The following MMP11 variants were observed in gnomAD, a reference collection of about 807,000 sequenced individuals.
MMP11 encodes the protein stromelysin-3.
A neutral mutation model predicts 49.5 loss-of-function variants in MMP11; 26 were observed. The observed-to-expected ratio is 0.52, with a 90% confidence interval of 0.38 to 0.73. MMP11 has a LOEUF of 0.73. MMP11 is among the 30% of genes least tolerant of loss of function. The pLI is 0.00. For missense variants in MMP11, 624 were observed against 671.2 expected, an observed-to-expected ratio of 0.93 and a Z score of 0.78; for synonymous variants, 265 against 282.3, an observed-to-expected ratio of 0.94 and a Z score of 0.62.
intron 7 of MMP11, 30 bp from the exon 8 acceptor site, chr22:23,783,381 C>T (rs553323525): frequency 3.0e-5 from 48 of 1,611,450 alleles, no homozygotes; most frequent in East Asian, 1.1e-4. Context: ...AGTGTCCGCT[C>T]GCCCAGGCTT....
Position 23,772,866 on chromosome 22 carries a change from G to A in MMP11, c.-5G>A, listed in dbSNP as rs1927277827. On this transcript the variant is annotated 5_prime_UTR_variant, in exon 1 of 8. Coordinates refer to ENST00000215743, the MANE Select transcript of MMP11 (RefSeq NM_005940.5). The stretch of plus-strand genomic sequence containing the variant: ...GGCCCAGCAAGCCCAGCAGCCCCGG[G>A]GCGGATGGCTCCGGCCGCCTGGCTC... 1 of 1,154,592 alleles carries A rather than the reference G, an allele frequency of 8.7e-7. No homozygotes were observed. Among genetic ancestry groups the A allele is most frequent in the East Asian group, 4.2e-5 (1 of 24,040 alleles). The allele number at this position is 1,154,592 out of a possible 1,614,324, so 71.5% of individuals were successfully genotyped here. A position where few individuals can be genotyped will look rare whatever the true frequency, so the allele number is the denominator to read the frequency against.
Position 23,779,406 on chromosome 22 carries a change from C to G in MMP11, c.328C>G (p.Leu110Val). 6.2e-7 allele frequency: 1 copy of G among 1,611,288 alleles called. No homozygotes were observed. Among genetic ancestry groups the G allele is most frequent in the Non-Finnish European group, 8.5e-7 (1 of 1,179,160 alleles). The change falls in exon 2 of 8, where the codon CTC becomes GTC. Residue 110 changes from leucine (L) to valine (V), a missense_variant. Coordinates refer to ENST00000215743, the MANE Select transcript of MMP11 (RefSeq NM_005940.5). The part of the protein sequence containing the change: ...LSGGRWEKTD[L>V]TYRILRFPWQ... ...TGGCGGGCGCTGGGAGAAGACGGACCTCACCTACAGGTAGGGGCCTGGGAG... is the reference window on the plus strand; with the variant it reads ...TGGCGGGCGCTGGGAGAAGACGGACGTCACCTACAGGTAGGGGCCTGGGAG...
At chr22:23,778,406 G>A (rs1157426550) in intron 1 of MMP11, among the ~76,000 whole-genome samples, 1 of 152,200 alleles carries the variant, frequency 6.6e-6, no homozygotes, top group African/African-American at 2.4e-5. Flanking sequence ...CTGGGCACCT[G>A]GTAATTAACT....
At chr22:23,782,584 C>A in intron 7 of MMP11, 101 bp downstream of exon 7, 1 of 1,396,930 alleles carries the variant, frequency 7.2e-7, no homozygotes, top group Non-Finnish European at 9.6e-7. Flanking sequence ...GGAAGTCTGG[C>A]TCTTCATCAC....
In MMP11 at chr22:23,780,381, T is replaced by C; in HGVS notation, c.361T>C (p.Leu121=). The C allele has an allele frequency of 6.2e-7, 1 of 1,613,322 alleles. No individual in the cohort carries two copies. The highest frequency in any genetic ancestry group is 8.5e-7 in the Non-Finnish European group (1 of 1,180,018). Residue 121 remains leucine (L), a synonymous_variant, in exon 3 of 8, where the codon TTG becomes CTG. Transcript: ENST00000215743. The surrounding 1 kb of genome is among the most constrained non-coding windows in gnomAD (Gnocchi z 4.6). The stretch of plus-strand genomic sequence containing the variant: ...CAGGATCCTTCGGTTCCCATGGCAG[T>C]TGGTGCAGGAGCAGGTGCGGCAGAC... ...TYRILRFPWQ[L]VQEQVRQTMA... is the part of the protein sequence containing the mutation.
intron 1 of MMP11, among the ~76,000 whole-genome samples, chr22:23,778,490 G>T (rs1278512523): frequency 6.6e-6 from 1 of 152,172 alleles, no homozygotes; most frequent in Admixed American, 6.5e-5. Context: ...GCCCTGGTGG[G>T]GTGTGACCAA....
chr22:23,782,638 C>A, intron 7 of MMP11, 155 bp downstream of exon 7: 1 of 913,112 alleles, frequency 1.1e-6, no homozygotes, highest in Non-Finnish European at 1.6e-6. Flanking sequence ...CGGTGGCCGG[C>A]TAGTGCTACA....
intron 6 of MMP11, chr22:23,781,908 G>A (rs751034455): frequency 1.5e-6 from 1 of 655,716 alleles, no homozygotes; most frequent in African/African-American, 1.8e-5. Flanking sequence ...AGTCCAGCCT[G>A]CAGGGGCCCA....
rs1927634072 is a variant in MMP11 at position 23,781,532 on chromosome 22, T to C, written c.1075+123T>C. On this transcript the variant is annotated intron_variant, in intron 6 of 7. Transcript: ENST00000215743. ...GGATAGGGAGAGCTGCCCCAAAGCC[T>C]GGGGGCCGAGGGAGAGAGAGTGTGG... 31 of 946,218 alleles carry C rather than the reference T, an allele frequency of 3.3e-5. 1 individual carries two copies. In the South Asian group the frequency reaches 5.0e-4, roughly 15 times the overall value. The allele number at this position is 946,218 out of a possible 1,614,324, so 58.6% of individuals were successfully genotyped here.
intron 1 of MMP11, among the ~76,000 whole-genome samples, chr22:23,776,992 A>G (rs1416051817): frequency 1.3e-5 from 2 of 151,144 alleles, no homozygotes; most frequent in Non-Finnish European, 3.0e-5. Context: ...TATTTTTAGT[A>G]GAGACGGGGT....
rs11545274 is a variant in MMP11 at position 23,783,597 on chromosome 22, A to G, written c.*53A>G. 6.2e-7 allele frequency: 1 copy of G among 1,607,922 alleles called. No homozygotes were observed. The highest frequency in any genetic ancestry group is 1.1e-5 in the South Asian group (1 of 91,026). On this transcript the variant is annotated 3_prime_UTR_variant, in exon 8 of 8. Transcript: ENST00000215743. Reference sequence around the variant, plus strand: ...TGACCCCTGCCAGGCCACGAATATCAGGCTAGAGACCCATGGCCATCTTTG... The same window carrying G: ...TGACCCCTGCCAGGCCACGAATATCGGGCTAGAGACCCATGGCCATCTTTG...
Position 23,780,725 on chromosome 22 carries a change from G to A in MMP11, c.616+10G>A. 5 of 1,547,472 alleles carry A rather than the reference G, an allele frequency of 3.2e-6. No individual in the cohort carries two copies. Among genetic ancestry groups the A allele is most frequent in the Non-Finnish European group, 4.3e-6 (5 of 1,150,008 alleles). On this transcript the variant is annotated intron_variant, in intron 4 of 7. Coordinates refer to ENST00000215743, the MANE Select transcript of MMP11 (RefSeq NM_005940.5). The surrounding 1 kb of genome is among the most constrained non-coding windows in gnomAD (Gnocchi z 4.6). Reference sequence around the variant, plus strand: ...ATCGGGGATGACCAGGGTATGGGCTGGGGACCCATTTTCCAGATGGGGCAA... The same window carrying A: ...ATCGGGGATGACCAGGGTATGGGCTAGGGACCCATTTTCCAGATGGGGCAA...
intron 6 of MMP11, 184 bp from the exon 7 acceptor site, chr22:23,782,042 G>C (rs1056869223): frequency 2.3e-6 from 2 of 861,280 alleles, no homozygotes; most frequent in Non-Finnish European, 3.7e-6. Context: ...CACTGCCCCA[G>C]CTTATCCCAG....
In MMP11 at chr22:23,781,518, G is replaced by A. The variant is rs28363664; in HGVS notation, c.1075+109G>A. The A allele has an allele frequency of 9.4e-3, 10,314 of 1,092,210 alleles. 170 individuals carry two copies. Among genetic ancestry groups the A allele is most frequent in the African/African-American group, 0.064 (4,057 of 63,858 alleles). 67.7% of individuals were successfully genotyped at this position (1,092,210 alleles called of 1,614,324 possible). A position where few individuals can be genotyped will look rare whatever the true frequency, so the allele number is the denominator to read the frequency against. On this transcript the variant is annotated intron_variant, in intron 6 of 7. Coordinates refer to ENST00000215743, the MANE Select transcript of MMP11 (RefSeq NM_005940.5). ...CTTAGGGACACAGTGGATAGGGAGAGCTGCCCCAAAGCCTGGGGGCCGAGG... is the reference window on the plus strand; with the variant it reads ...CTTAGGGACACAGTGGATAGGGAGAACTGCCCCAAAGCCTGGGGGCCGAGG...
intron 2 of MMP11, 47 bp downstream of exon 2, chr22:23,779,463 G>C (rs774909862): frequency 2.0e-6 from 3 of 1,508,978 alleles, no homozygotes; most frequent in Non-Finnish European, 9.1e-7. Flanking sequence ...GTGTGTCCGT[G>C]GGTAAGCCAG....
chr22:23,780,355 C>T lies in MMP11; in HGVS notation c.339-4C>T. The T allele has an allele frequency of 6.2e-7, 1 of 1,612,618 alleles. No homozygotes were observed. The highest frequency in any genetic ancestry group is 8.5e-7 in the Non-Finnish European group (1 of 1,180,026). On this transcript the variant is annotated splice_region_variant and splice_polypyrimidine_tract_variant and intron_variant, in intron 2 of 7. Coordinates refer to ENST00000215743, the MANE Select transcript of MMP11 (RefSeq NM_005940.5). This position sits in a 1 kb window ranked among gnomAD's most constrained non-coding sequence, Gnocchi z 4.6. ...GAGGCCCAGGCCCCTCCATCTCCCT[C>T]CAGGATCCTTCGGTTCCCATGGCAG...
At chr22:23,778,568 T>C (rs1927496566) in intron 1 of MMP11, among the ~76,000 whole-genome samples, 1 of 152,160 alleles carries the variant, frequency 6.6e-6, no homozygotes, top group African/African-American at 2.4e-5. Context: ...CTGTGCTAGG[T>C]GCTGTACATA....
At chr22:23,773,923 C>T (rs1184821082) in intron 1 of MMP11, among the ~76,000 whole-genome samples, 2 of 152,092 alleles carry the variant, frequency 1.3e-5, no homozygotes, top group African/African-American at 2.4e-5. Flanking sequence ...TGTCCAGCCA[C>T]TCTGGCTCTG....
chr22:23,782,076 G>A (rs1042764874), intron 6 of MMP11, 150 bp from the exon 7 acceptor site: 6 of 1,151,404 alleles, frequency 5.2e-6, no homozygotes, highest in African/African-American at 3.1e-5. Context: ...CTCTGCGGGT[G>A]GGGTGCTGAG....
Sources: gnomAD v4.1 joint callset for allele counts (sites outside exome capture counted in the v4.1 genomes callset) on GRCh38, gnomAD v4.1.1 for gene constraint, Gnocchi (gnomAD v3.1) non-coding constraint, MANE v1.5 for transcripts, NCBI Gene and HGNC (gene_info 2026-07-23, HGNC 2026-07-21) for gene names.